The following AACS variants were observed in gnomAD, a reference collection of about 807,000 sequenced individuals.
The protein encoded by AACS is acetoacetate-CoA ligase.
AACS carries 69 observed loss-of-function variants against 83.1 expected under a neutral mutation model. The ratio of observed to expected loss-of-function variants is 0.83; its 90% CI spans 0.68 to 1.01. The LOEUF (loss-of-function observed/expected upper bound fraction) is 1.01, where lower values mean the gene tolerates loss of function less well. Ranked by LOEUF, AACS falls within the 50% of genes least tolerant of loss-of-function variation. The pLI, the probability that AACS is intolerant of heterozygous loss-of-function variation, is 0.00. For synonymous variants in AACS, 333 were observed against 343.4 expected (o/e 0.97, Z 0.33); for missense variants, 866 against 882.2 (o/e 0.98, Z 0.23).
chr12:125,093,002 C>G (rs1956522667), intron 5 of AACS, among the ~76,000 whole-genome samples: 1 of 152,148 alleles, frequency 6.6e-6, no homozygotes, highest in South Asian at 2.1e-4. Context: ...GGGCAAGTGC[C>G]CTGGTGTCCC....
intron 3 of AACS, chr12:125,077,950 T>TC (rs1956070076): frequency 2.2e-5 from 8 of 358,462 alleles, no homozygotes; most frequent in South Asian, 1.5e-4. Context: ...CTCAGGTGAT[T>TC]CCCCCCGCCT....
chr12:125,078,282 C>T (rs770918068), intron 3 of AACS: 1 of 455,978 alleles, frequency 2.2e-6, no homozygotes, highest in African/African-American at 2.0e-5. Context: ...GCCCAGGCTT[C>T]CATGTATTTT....
chr12:125,084,578 AT>A (rs35996407), intron 3 of AACS, among the ~76,000 whole-genome samples: 49,108 of 140,004 alleles, frequency 0.35, 8,577 homozygotes, highest in African/African-American at 0.44. Context: ...TAGTTTTTAA[AT>A]TTTTTTTTTT....
chr12:125,086,910 G>C (rs1328419409), intron 4 of AACS, among the ~76,000 whole-genome samples: 3 of 152,030 alleles, frequency 2.0e-5, no homozygotes, highest in Non-Finnish European at 4.4e-5. Flanking sequence ...AGTGAGGCAG[G>C]GCAGGAAAGG....
chr12:125,074,022 G>C, intron 2 of AACS, 43 bp downstream of exon 2: 2 of 1,487,200 alleles, frequency 1.3e-6, no homozygotes, highest in Non-Finnish European at 1.9e-6. Flanking sequence ...TTTTGTGGTC[G>C]TGCTTCAAAG....
At chr12:125,067,148 T>C (rs1955724069) in intron 1 of AACS, among the ~76,000 whole-genome samples, 1 of 152,188 alleles carries the variant, frequency 6.6e-6, no homozygotes, top group South Asian at 2.1e-4. Context: ...TTCCAGGCCC[T>C]CCACAGCAGT....
intron 2 of AACS, 78 bp downstream of exon 2, chr12:125,074,057 T>G: frequency 1.7e-6 from 2 of 1,202,314 alleles, no homozygotes; most frequent in South Asian, 2.6e-5. Flanking sequence ...TGGGGAATAC[T>G]GAATTGTATC....
At chr12:125,114,604 CT>C in intron 9 of AACS, 47 bp downstream of exon 9, 1 of 1,548,236 alleles carries the variant, frequency 6.5e-7, no homozygotes, top group Non-Finnish European at 8.8e-7. Context: ...ACAATAGGGG[CT>C]TCCCTGGGTG....
intron 4 of AACS, among the ~76,000 whole-genome samples, chr12:125,089,563 G>T (rs1424311321): frequency 2.6e-5 from 4 of 152,104 alleles, no homozygotes. Flanking sequence ...CTAGGAGATG[G>T]AGGGCCTGAG....
intron 12 of AACS, 198 bp from the exon 13 acceptor site, chr12:125,127,963 T>TG (rs1254641355): frequency 4.7e-6 from 2 of 426,206 alleles, no homozygotes; most frequent in East Asian, 7.4e-5. Context: ...TCACCAGATG[T>TG]GGGGGGTTCA....
Position 125,142,336 on chromosome 12 carries a change from C to G in AACS, c.*107C>G. 2.0e-6 allele frequency: 3 copies of G among 1,472,086 alleles called. No homozygotes were observed. The highest frequency in any genetic ancestry group is 2.8e-6 in the Non-Finnish European group (3 of 1,088,910). 91.2% of individuals were successfully genotyped at this position (1,472,086 alleles called of 1,614,324 possible). Reference sequence around the variant, plus strand: ...CAGCTGTTGTAAAAGGATGCTCGCACCAAGTGTTCTGTAGGCTTGGGGAGG... The same window carrying G: ...CAGCTGTTGTAAAAGGATGCTCGCAGCAAGTGTTCTGTAGGCTTGGGGAGG... On this transcript the variant is annotated 3_prime_UTR_variant, in exon 18 of 18. Transcript: ENST00000316519.
At chr12:125,078,042 A>C in intron 3 of AACS, 1 of 418,184 alleles carries the variant, frequency 2.4e-6, no homozygotes, top group East Asian at 7.2e-5. Flanking sequence ...AGCCAGAGAA[A>C]GATTAATTCA....
chr12:125,118,792 G>A, intron 10 of AACS, 27 bp downstream of exon 10: 1 of 1,612,542 alleles, frequency 6.2e-7, no homozygotes, highest in Non-Finnish European at 8.5e-7. Context: ...TGTGCTCAAA[G>A]CAAGGGACAG....
At chr12:125,082,292 C>T (rs1355802824) in intron 3 of AACS, among the ~76,000 whole-genome samples, 1 of 151,678 alleles carries the variant, frequency 6.6e-6, no homozygotes, top group Non-Finnish European at 1.5e-5. Flanking sequence ...CCACCTCAGC[C>T]TCCCAAGTAA....
chr12:125,088,154 C>T (rs1057242269), intron 4 of AACS, among the ~76,000 whole-genome samples: 2 of 152,098 alleles, frequency 1.3e-5, no homozygotes, highest in Admixed American at 1.3e-4. Context: ...GAGTGCCTGG[C>T]ACCTAGCAGC....
chr12:125,102,483 TAGAGA>T, intron 5 of AACS, 191 bp from the exon 6 acceptor site: 1 of 544,096 alleles, frequency 1.8e-6, no homozygotes. Context: ...TTTTTTTTTT[TAGAGA>T]CAGGGTCTCA....
At chr12:125,117,796 G>GACAACAAAGTGAGACCTCATCTACAAAAA (rs1179224040) in intron 9 of AACS, 3 of 151,996 alleles carry the variant, frequency 2.0e-5, no homozygotes, top group Non-Finnish European at 4.4e-5. Context: ...GATTAGCCTG[G>GACAACAAAGTGAGACCTCATCTACAAAAA]ACAACAAAGT....
chr12:125,128,334 G>T (rs1032542922), intron 13 of AACS, 60 bp downstream of exon 13: 73 of 1,444,026 alleles, frequency 5.1e-5, no homozygotes, highest in Non-Finnish European at 6.8e-5. Context: ...GTGTGGGAGC[G>T]TTCGGATGTG....
At chr12:125,135,946 A>T (rs556608859) in intron 16 of AACS, 1 of 152,406 alleles carries the variant, frequency 6.6e-6, no homozygotes, top group African/African-American at 2.4e-5. Flanking sequence ...AGGTTTTGCC[A>T]TGTTGGCCAG....
Sources: gnomAD v4.1 joint callset for allele counts (sites outside exome capture counted in the v4.1 genomes callset) on GRCh38, gnomAD v4.1.1 for gene constraint, MANE v1.5 for transcripts, NCBI Gene and HGNC (gene_info 2026-07-23, HGNC 2026-07-21) for gene names.